Variants in SLCO5A1 observed in about 807,000 individuals in gnomAD.
The protein encoded by SLCO5A1 is organic anion transporter polypeptide-related protein 4.
A neutral mutation model predicts 65.1 loss-of-function variants in SLCO5A1; 39 were observed. The observed-to-expected ratio is 0.60, with a 90% CI of 0.46 to 0.78. SLCO5A1 has a LOEUF of 0.78. SLCO5A1 is among the 30% of genes least tolerant of loss of function. The pLI, the probability that SLCO5A1 is intolerant of heterozygous loss-of-function variation, is 0.00. For synonymous variants in SLCO5A1, 438 were observed against 415.7 expected (o/e 1.05, Z -0.65); for missense variants, 1,029 against 1,069.4 (o/e 0.96, Z 0.53).
At chr8:69,679,700 AAAG>A in intron 7 of SLCO5A1, 81 bp from the exon 8 acceptor site, 1 of 1,544,986 alleles carries the variant, frequency 6.5e-7, no homozygotes, top group Non-Finnish European at 8.8e-7. Flanking sequence ...AAGTTAAGTA[AAAG>A]TACTCTAAAA....
intron 2 of SLCO5A1, among the ~76,000 whole-genome samples, chr8:69,767,812 C>T (rs1427057516): frequency 6.9e-6 from 1 of 145,718 alleles, no homozygotes; most frequent in Non-Finnish European, 1.5e-5. Flanking sequence ...ATCACTTGAA[C>T]CCGAGAGGCA....
At chr8:69,787,402 C>T (rs953967244) in intron 2 of SLCO5A1, among the ~76,000 whole-genome samples, 6 of 152,202 alleles carry the variant, frequency 3.9e-5, no homozygotes, top group African/African-American at 1.4e-4. Context: ...TCCTCATGTG[C>T]TTATGCACCA....
At chr8:69,776,695 A>C (rs1818572744) in intron 2 of SLCO5A1, among the ~76,000 whole-genome samples, 1 of 152,178 alleles carries the variant, frequency 6.6e-6, no homozygotes, top group African/African-American at 2.4e-5. Flanking sequence ...GTCTCAAAAA[A>C]ACAAACCAAC....
In SLCO5A1 at chr8:69,807,139, G is replaced by T. The variant is rs1230860561; in HGVS notation, c.907+24628C>A. Among the ~76,000 whole-genome samples, 9 of 152,308 alleles carry T rather than the reference G, an allele frequency of 5.9e-5. No individual in the cohort carries two copies. The South Asian group carries it at 1.9e-3, about 32-fold the overall frequency. On this transcript the variant is annotated intron_variant, in intron 2 of 9. Transcript: ENST00000260126. ...AAAACACAGAGAGAACCATTTACTG[G>T]CCACATCTGTGATCAGTGAGAAATA...
intron 2 of SLCO5A1, among the ~76,000 whole-genome samples, chr8:69,779,181 T>C (rs1188060932): frequency 6.6e-6 from 1 of 152,196 alleles, no homozygotes; most frequent in South Asian, 2.1e-4. Context: ...AAGCATTTAC[T>C]GTGTTCCAGG....
chr8:69,794,549 AG>A, intron 2 of SLCO5A1: 1 of 359,206 alleles, frequency 2.8e-6, no homozygotes, highest in Middle Eastern at 1.1e-3. Context: ...TATGTGGATC[AG>A]GATTTGTCAT....
chr8:69,680,487 A>T (rs1022592821), intron 7 of SLCO5A1, among the ~76,000 whole-genome samples: 1 of 152,168 alleles, frequency 6.6e-6, no homozygotes, highest in African/African-American at 2.4e-5. Flanking sequence ...ATGGCTGTGT[A>T]GTACTCCATG....
intron 5 of SLCO5A1, among the ~76,000 whole-genome samples, chr8:69,732,886 T>TA (rs879687254): frequency 7.7e-4 from 111 of 144,142 alleles, no homozygotes; most frequent in East Asian, 1.6e-3. Flanking sequence ...AGACTCCGTC[T>TA]AAAAAAAAAA....
At chr8:69,776,241 A>G (rs1818545333) in intron 2 of SLCO5A1, among the ~76,000 whole-genome samples, 1 of 152,216 alleles carries the variant, frequency 6.6e-6, no homozygotes. Flanking sequence ...AACAACATTA[A>G]TAATAAAGTG....
chr8:69,766,314 C>T (rs1818055236), intron 2 of SLCO5A1, among the ~76,000 whole-genome samples: 1 of 152,172 alleles, frequency 6.6e-6, no homozygotes, highest in Admixed American at 6.5e-5. Flanking sequence ...TCCCATCCCA[C>T]TCACAGCATG....
chr8:69,694,429 T>G (rs1211891795), intron 6 of SLCO5A1, among the ~76,000 whole-genome samples: 1 of 152,194 alleles, frequency 6.6e-6, no homozygotes, highest in Non-Finnish European at 1.5e-5. Flanking sequence ...TGCCACTCCC[T>G]TCATCTTTCT....
In SLCO5A1 at chr8:69,673,017, G is replaced by C; in HGVS notation, c.2399C>G (p.Thr800Ser). The change falls in exon 10 of 10, where the codon ACC becomes AGC. Residue 800 changes from threonine to serine, a missense_variant. By Grantham distance (58) the Thr-to-Ser change is moderately conservative. Transcript: ENST00000260126. ...ARTRSCPAFS[T>S]QGEFHEETGL... ...AGTCTCTTCGTGGAATTCTCCCTGGGTGCTGAAAGCTGGGCAAGATCTAGT... is the reference window on the plus strand; with the variant it reads ...AGTCTCTTCGTGGAATTCTCCCTGGCTGCTGAAAGCTGGGCAAGATCTAGT... 6.2e-7 allele frequency: 1 copy of C among 1,614,186 alleles called. No homozygotes were observed. Among genetic ancestry groups the C allele is most frequent in the Non-Finnish European group, 8.5e-7 (1 of 1,180,026 alleles).
chr8:69,810,841 A>G (rs562967127), intron 2 of SLCO5A1, among the ~76,000 whole-genome samples: 1 of 152,332 alleles, frequency 6.6e-6, no homozygotes, highest in East Asian at 1.9e-4. Flanking sequence ...GGAAGACACT[A>G]TGAAACAACC....
intron 2 of SLCO5A1, among the ~76,000 whole-genome samples, chr8:69,765,292 A>G (rs2130867807): frequency 6.6e-6 from 1 of 152,146 alleles, no homozygotes; most frequent in East Asian, 1.9e-4. Flanking sequence ...ATATTACAGT[A>G]TATTGCAATT....
At chr8:69,707,708 A>G (rs1241865128) in intron 5 of SLCO5A1, among the ~76,000 whole-genome samples, 1 of 152,208 alleles carries the variant, frequency 6.6e-6, no homozygotes, top group African/African-American at 2.4e-5. Context: ...AGAAGTGGTC[A>G]GGAGGATGAC....
chr8:69,746,057 C>T (rs1253482874), intron 4 of SLCO5A1, among the ~76,000 whole-genome samples: 1 of 152,148 alleles, frequency 6.6e-6, no homozygotes, highest in Non-Finnish European at 1.5e-5. Flanking sequence ...TCCTCCTCTT[C>T]CTTCCACCTT....
Position 69,690,369 on chromosome 8 carries a change from C to T in SLCO5A1, c.1623-8026G>A, listed in dbSNP as rs571261944. Among the ~76,000 whole-genome samples, 33 of 152,262 alleles carry T rather than the reference C, an allele frequency of 2.2e-4. No homozygotes were observed. In the South Asian group the frequency reaches 2.5e-3, roughly 11 times the overall value. ...GCAGAAATCACATCGCGTCAACACC[C>T]GCCGCGGGCCTTTGTGGAATGGTGC... On this transcript the variant is annotated intron_variant, in intron 6 of 9. Coordinates refer to ENST00000260126, the MANE Select transcript of SLCO5A1 (RefSeq NM_030958.3).
chr8:69,744,931 G>A (rs1816957188), intron 4 of SLCO5A1, among the ~76,000 whole-genome samples: 2 of 152,172 alleles, frequency 1.3e-5, no homozygotes, highest in South Asian at 4.2e-4. Context: ...ATCCTTAATG[G>A]CATCAGATAA....
At chr8:69,689,720 C>T (rs1464355299) in intron 6 of SLCO5A1, among the ~76,000 whole-genome samples, 1 of 148,894 alleles carries the variant, frequency 6.7e-6, no homozygotes, top group Non-Finnish European at 1.5e-5. Flanking sequence ...GTACCAGTAC[C>T]ATGCTGTTTT....
Sources: gnomAD v4.1 joint callset for allele counts (sites outside exome capture counted in the v4.1 genomes callset) on GRCh38, gnomAD v4.1.1 for gene constraint, MANE v1.5 for transcripts, NCBI Gene and HGNC (gene_info 2026-07-23, HGNC 2026-07-21) for gene names.